The following PRRX2 variants were observed in gnomAD, a reference collection of about 807,000 sequenced individuals.
PRRX2 encodes paired related homeobox 2.
A neutral mutation model predicts 18.0 loss-of-function variants in PRRX2; 11 were observed. The observed-to-expected ratio is 0.61, with a 90% CI of 0.39 to 1.01. The LOEUF is 1.01. PRRX2 is among the 50% of genes least tolerant of loss of function. The pLI is 0.01. For synonymous variants in PRRX2, 177 were observed against 154.8 expected, an observed-to-expected ratio of 1.14 and a Z score of -1.06; for missense variants, 387 against 351.0, an observed-to-expected ratio of 1.10 and a Z score of -0.82.
intron 1 of PRRX2, among the ~76,000 whole-genome samples, chr9:129,682,933 C>T (rs1344659645): frequency 6.6e-6 from 1 of 151,874 alleles, no homozygotes; most frequent in Non-Finnish European, 1.5e-5. Flanking sequence ...GGTGAACCCC[C>T]CCCATCTCTA....
At chr9:129,712,618 G>A (rs943078815) in intron 1 of PRRX2, among the ~76,000 whole-genome samples, 3 of 152,140 alleles carry the variant, frequency 2.0e-5, no homozygotes, top group Non-Finnish European at 2.9e-5. Context: ...AATCGGGGAC[G>A]ATGTCGTTTT....
At chr9:129,705,582 T>A (rs1356119695) in intron 1 of PRRX2, among the ~76,000 whole-genome samples, 1 of 151,330 alleles carries the variant, frequency 6.6e-6, no homozygotes, top group East Asian at 2.0e-4. Context: ...CTTGAACTCC[T>A]GACCTCTGGT....
At chr9:129,674,504 G>T (rs574732555) in intron 1 of PRRX2, among the ~76,000 whole-genome samples, 3 of 152,172 alleles carry the variant, frequency 2.0e-5, no homozygotes, top group African/African-American at 7.2e-5. Context: ...CGGGCAACAG[G>T]CTGTGGGCTG....
chr9:129,665,942 G>T lies in PRRX2; in HGVS notation c.75G>T (p.Ala25=). The T allele has an allele frequency of 8.8e-7, 1 of 1,130,382 alleles. No homozygotes were observed. The highest frequency in any genetic ancestry group is 1.1e-6 in the Non-Finnish European group (1 of 919,378). 70.0% of individuals were successfully genotyped at this position (1,130,382 alleles called of 1,614,324 possible). A position where few individuals can be genotyped will look rare whatever the true frequency, so the allele number is the denominator to read the frequency against. The change falls in exon 1 of 4, where the codon GCG becomes GCT. Residue 25 remains alanine, a synonymous_variant. Coordinates refer to ENST00000372469, the MANE Select transcript of PRRX2 (RefSeq NM_016307.4). The surrounding 1 kb of genome is among the most constrained non-coding windows in gnomAD (Gnocchi z 5.3). ...CGGGGCCGCCGCCGCCTCCACCCGCGCTGGGGCCCGGCGACTGCGCCCAGG... is the reference window on the plus strand; with the variant it reads ...CGGGGCCGCCGCCGCCTCCACCCGCTCTGGGGCCCGGCGACTGCGCCCAGG... ...LGPGPPPPPP[A]LGPGDCAQAR...
At chr9:129,678,852 G>A (rs1832193179) in intron 1 of PRRX2, among the ~76,000 whole-genome samples, 1 of 152,196 alleles carries the variant, frequency 6.6e-6, no homozygotes, top group Admixed American at 6.5e-5. Context: ...GTGATATGGG[G>A]ATGACAGTTG....
intron 1 of PRRX2, among the ~76,000 whole-genome samples, chr9:129,711,344 T>C (rs551450388): frequency 4.8e-4 from 73 of 152,092 alleles, no homozygotes; most frequent in African/African-American, 1.7e-3. Context: ...TGTTGGGTTG[T>C]TATGAGGGTT....
intron 1 of PRRX2, 43 bp downstream of exon 1, chr9:129,666,169 C>A: frequency 2.8e-6 from 2 of 715,250 alleles, no homozygotes; most frequent in Non-Finnish European, 3.4e-6. Context: ...GGGCCGGGGC[C>A]GGGGCCGGGG....
chr9:129,706,721 T>G (rs571825760), intron 1 of PRRX2, among the ~76,000 whole-genome samples: 1 of 151,944 alleles, frequency 6.6e-6, no homozygotes, highest in Non-Finnish European at 1.5e-5. Context: ...AGGAAGACCA[T>G]CTCAAAAAAT....
At chr9:129,666,259 C>A (rs889779533) in intron 1 of PRRX2, 133 bp downstream of exon 1, 4 of 727,282 alleles carry the variant, frequency 5.5e-6, no homozygotes, top group Non-Finnish European at 5.1e-6. Flanking sequence ...CTTCTGGGGG[C>A]GCGTGTAAGT....
intron 1 of PRRX2, among the ~76,000 whole-genome samples, chr9:129,694,572 A>T (rs915667201): frequency 3.3e-5 from 5 of 152,110 alleles, no homozygotes. Flanking sequence ...CTCGGCAGGG[A>T]GGCAGCGCGG....
chr9:129,678,304 G>A (rs1832186137), intron 1 of PRRX2, among the ~76,000 whole-genome samples: 1 of 152,096 alleles, frequency 6.6e-6, no homozygotes, highest in Admixed American at 6.6e-5. Context: ...CTCTGTCAAG[G>A]GAGGAAAAGT....
chr9:129,718,122 C>A (rs896405479), intron 1 of PRRX2, among the ~76,000 whole-genome samples: 1 of 151,666 alleles, frequency 6.6e-6, no homozygotes, highest in Non-Finnish European at 1.5e-5. Flanking sequence ...TCCAGGACCT[C>A]CCCAGGGTTC....
chr9:129,677,963 T>A (rs1227587637), intron 1 of PRRX2, among the ~76,000 whole-genome samples: 2 of 138,576 alleles, frequency 1.4e-5, no homozygotes, highest in Non-Finnish European at 3.2e-5. Flanking sequence ...TCTTTCTTTT[T>A]TTTTTTTTTT....
intron 1 of PRRX2, among the ~76,000 whole-genome samples, chr9:129,718,404 G>A (rs1362990475): frequency 6.6e-6 from 1 of 151,860 alleles, no homozygotes; most frequent in Non-Finnish European, 1.5e-5. Flanking sequence ...CCCACCCCAC[G>A]GCCCCACCAA....
chr9:129,674,138 C>T (rs1188566427), intron 1 of PRRX2, among the ~76,000 whole-genome samples: 1 of 152,144 alleles, frequency 6.6e-6, no homozygotes, highest in East Asian at 1.9e-4. Context: ...ACCCAGAAAG[C>T]ACTGGGTCCC....
chr9:129,714,009 G>C (rs770831017), intron 1 of PRRX2, among the ~76,000 whole-genome samples: 1 of 151,188 alleles, frequency 6.6e-6, no homozygotes, highest in Admixed American at 6.6e-5. Flanking sequence ...TTCAGTTTCC[G>C]TGTGTGTAAA....
intron 1 of PRRX2, among the ~76,000 whole-genome samples, chr9:129,687,206 A>AATG (rs1283826325): frequency 1.3e-5 from 2 of 152,198 alleles, no homozygotes; most frequent in Non-Finnish European, 2.9e-5. Flanking sequence ...TAGGCCACAG[A>AATG]ATGAGATCAC....
chr9:129,666,571 A>ACCCCCC (rs532808399), intron 1 of PRRX2, among the ~76,000 whole-genome samples: 4 of 95,420 alleles, frequency 4.2e-5, no homozygotes, highest in South Asian at 4.1e-4. Context: ...GTGCCTGCCC[A>ACCCCCC]CCCCCCCCCA....
Position 129,715,169 on chromosome 9 carries a change from A to C in PRRX2, c.260-4062A>C, listed in dbSNP as rs1254901791. 6.6e-6 allele frequency among the ~76,000 whole-genome samples: 1 copy of C among 151,988 alleles called. No individual in the cohort carries two copies. ...CGCCTGGTCCCGTATGTTTGCAAGT[A>C]TTTCCCAAAGGGGGAAACTTCTGAA... On this transcript the variant is annotated intron_variant, in intron 1 of 3. Coordinates refer to ENST00000372469, the MANE Select transcript of PRRX2 (RefSeq NM_016307.4). The surrounding 1 kb of genome is among the most constrained non-coding windows in gnomAD (Gnocchi z 4.0).
Sources: gnomAD v4.1 joint callset for allele counts (sites outside exome capture counted in the v4.1 genomes callset) on GRCh38, gnomAD v4.1.1 for gene constraint, Gnocchi (gnomAD v3.1) non-coding constraint, MANE v1.5 for transcripts, NCBI Gene and HGNC (gene_info 2026-07-23, HGNC 2026-07-21) for gene names.